The following DNM2 variants were observed in gnomAD, a reference collection of about 807,000 sequenced individuals.
DNM2 encodes the protein dynamin 2.
A neutral mutation model predicts 99.0 loss-of-function variants in DNM2; 15 were observed. The ratio of observed to expected loss-of-function variants is 0.15; its 90% CI spans 0.10 to 0.23. DNM2 has a LOEUF of 0.23. Ranked by LOEUF, DNM2 falls within the 10% of genes least tolerant of loss-of-function variation. The pLI is 1.00. For synonymous variants in DNM2, 525 were observed against 481.2 expected, an observed-to-expected ratio of 1.09 and a Z score of -1.19; for missense variants, 742 against 1,189.4, an observed-to-expected ratio of 0.62 and a Z score of 5.53.
chr19:10,760,452 C>T (rs1169324563), intron 2 of DNM2, among the ~76,000 whole-genome samples: 2 of 152,038 alleles, frequency 1.3e-5, no homozygotes, highest in African/African-American at 4.8e-5. Context: ...CCTCCCCATG[C>T]AATAAAGACG....
chr19:10,718,455 G>A, intron 1 of DNM2, 52 bp downstream of exon 1: 1 of 1,333,946 alleles, frequency 7.5e-7, no homozygotes, highest in Non-Finnish European at 9.6e-7. Context: ...GGGCGCGGAG[G>A]GCGGACCGGG....
chr19:10,774,615 G>A (rs1352169893), intron 3 of DNM2, among the ~76,000 whole-genome samples: 8 of 151,932 alleles, frequency 5.3e-5, no homozygotes, highest in Admixed American at 2.6e-4. Flanking sequence ...TAGTAGAGAC[G>A]GGGTTTGTCC....
At chr19:10,786,377 C>A in intron 6 of DNM2, 187 bp from the exon 7 acceptor site, 1 of 957,438 alleles carries the variant, frequency 1.0e-6, no homozygotes, top group South Asian at 1.4e-5. Context: ...CAGCTCCGTG[C>A]CGTCTCCGTT....
At position 10,811,505 on chromosome 19, in the gene DNM2, T is replaced by C. The variant is rs1248503712; in HGVS notation, c.1558-759T>C. On this transcript the variant is annotated intron_variant, in intron 14 of 20. Coordinates refer to ENST00000389253, the MANE Select transcript of DNM2 (RefSeq NM_001005361.3). This position sits in a 1 kb window ranked among gnomAD's most constrained non-coding sequence, Gnocchi z 5.4. ...CCACCCTTTGTAGCTTGGCCAAGTC[T>C]GTCAGTGCCTGGGTCCCAGGCCGCC... The C allele has an allele frequency of 2.8e-6, 1 of 358,516 alleles. No homozygotes were observed. Among genetic ancestry groups the C allele is most frequent in the Non-Finnish European group, 5.5e-6 (1 of 181,414 alleles). The allele number at this position is 358,516 out of a possible 1,614,324, so 22.2% of individuals were successfully genotyped here.
intron 5 of DNM2, chr19:10,781,742 T>C (rs947141495): frequency 3.3e-5 from 5 of 152,192 alleles, no homozygotes; most frequent in African/African-American, 1.2e-4. Context: ...AGAGTGAAAC[T>C]CTGTCTCAAA....
At chr19:10,736,074 C>T (rs142025528) in intron 1 of DNM2, among the ~76,000 whole-genome samples, 13 of 151,954 alleles carry the variant, frequency 8.6e-5, no homozygotes, top group African/African-American at 3.1e-4. Flanking sequence ...ACTGGCCTGG[C>T]CAACATGGTG....
chr19:10,749,361 A>G (rs1428056129), intron 1 of DNM2, among the ~76,000 whole-genome samples: 1 of 152,182 alleles, frequency 6.6e-6, no homozygotes, highest in Non-Finnish European at 1.5e-5. Flanking sequence ...CACCTCTCCC[A>G]TCGCTGCTGG....
chr19:10,821,102 T>C (rs937332406), intron 16 of DNM2, among the ~76,000 whole-genome samples: 1 of 152,092 alleles, frequency 6.6e-6, no homozygotes, highest in East Asian at 1.9e-4. Context: ...CCTTGCCTAC[T>C]GCTTGGCTAC....
At chr19:10,741,997 T>C (rs1428584259) in intron 1 of DNM2, among the ~76,000 whole-genome samples, 1 of 151,812 alleles carries the variant, frequency 6.6e-6, no homozygotes, top group Non-Finnish European at 1.5e-5. Context: ...CCTTCTTTCT[T>C]TTCCTTCTTT....
rs777564981 is a variant in DNM2 at position 10,775,850 on chromosome 19, A to G, written c.533A>G (p.Asn178Ser). Residue 178 changes from asparagine (N) to serine (S), a missense_variant, in exon 4 of 21, where the codon AAC becomes AGC. Around this residue, in one of 7 missense-constraint regions of DNM2, gnomAD observed 192 missense variants for 358.9 expected, o/e 0.54. Transcript: ENST00000389253. This position sits in a 1 kb window ranked among gnomAD's most constrained non-coding sequence, Gnocchi z 4.3. Reference sequence around the variant, plus strand: ...CTCATTCTGGCTGTCACGCCCGCCAACATGGACCTGGCCAACTCCGACGCC... The same window carrying G: ...CTCATTCTGGCTGTCACGCCCGCCAGCATGGACCTGGCCAACTCCGACGCC... ...SSLILAVTPA[N>S]MDLANSDALK... 4 of 1,614,016 alleles carry G rather than the reference A, an allele frequency of 2.5e-6. No homozygotes were observed. The highest frequency in any genetic ancestry group is 2.2e-5 in the East Asian group (1 of 44,890).
At chr19:10,724,100 G>GAGAAACATGGTTGAAGA (rs57682395) in intron 1 of DNM2, among the ~76,000 whole-genome samples, 1 of 149,478 alleles carries the variant, frequency 6.7e-6, no homozygotes, top group Non-Finnish European at 1.5e-5. Flanking sequence ...AAAAAAAAAG[G>GAGAAACATGGTTGAAGA]CGATAAGTAT....
Position 10,808,570 on chromosome 19 carries a change from G to C in DNM2, c.1547G>C (p.Gly516Ala), listed in dbSNP as rs1599595311. Reference protein sequence around the residue: ...LNKKRAIPNQGEILVIRRGWL... With the variant: ...LNKKRAIPNQAEILVIRRGWL... ...AACCCTAACTTTGCATATTCAAAGG[G>C]GGAGATCCTGGTAAGTACATGCTTA... The change falls in exon 14 of 21, where the codon GGG becomes GCG. Residue 516 changes from glycine to alanine, a missense_variant and splice_region_variant. Physicochemically the swap from Gly to Ala is moderately conservative, Grantham distance 60. Around this residue, in one of 7 missense-constraint regions of DNM2, gnomAD observed 240 missense variants for 431.3 expected, o/e 0.56. Coordinates refer to ENST00000389253, the MANE Select transcript of DNM2 (RefSeq NM_001005361.3). 6.2e-7 allele frequency: 1 copy of C among 1,612,188 alleles called. No homozygotes were observed. The highest frequency in any genetic ancestry group is 8.5e-7 in the Non-Finnish European group (1 of 1,179,268).
At chr19:10,813,274 T>C (rs2072618038) in intron 15 of DNM2, among the ~76,000 whole-genome samples, 1 of 152,202 alleles carries the variant, frequency 6.6e-6, no homozygotes, top group African/African-American at 2.4e-5. Context: ...ACTCGTTCAC[T>C]GCGAGTGAGG....
chr19:10,778,023 A>T (rs1179316519), intron 5 of DNM2, among the ~76,000 whole-genome samples: 1 of 144,796 alleles, frequency 6.9e-6, no homozygotes, highest in African/African-American at 2.5e-5. Flanking sequence ...TTTTCATTTT[A>T]TTTATTTATT....
intron 13 of DNM2, among the ~76,000 whole-genome samples, chr19:10,807,444 C>T (rs2072378963): frequency 6.7e-6 from 1 of 150,218 alleles, no homozygotes; most frequent in African/African-American, 2.4e-5. Flanking sequence ...GTTTCACCAT[C>T]TTGGCCAGGC....
intron 15 of DNM2, among the ~76,000 whole-genome samples, chr19:10,819,182 T>C (rs564701110): frequency 2.4e-4 from 36 of 152,298 alleles, no homozygotes; most frequent in African/African-American, 8.7e-4. Context: ...CCCAGCACTC[T>C]GGGAGGCTCG....
chr19:10,738,830 G>T (rs76372455), intron 1 of DNM2, among the ~76,000 whole-genome samples: 1 of 146,700 alleles, frequency 6.8e-6, no homozygotes. Flanking sequence ...AGATCGCACC[G>T]TTGCACTCCA....
intron 1 of DNM2, among the ~76,000 whole-genome samples, chr19:10,741,150 T>G (rs1299242714): frequency 2.0e-5 from 3 of 152,220 alleles, no homozygotes; most frequent in African/African-American, 7.2e-5. Context: ...CCATTATTAT[T>G]ATTTTTCTTG....
rs966039257 is a variant in DNM2, at chr19:10,721,819, T to C, written c.161+3416T>C. Among the ~76,000 whole-genome samples the C allele has an allele frequency of 2.0e-5, 3 of 152,284 alleles. No homozygotes were observed. In the East Asian group the frequency reaches 5.8e-4, roughly 29 times the overall value. On this transcript the variant is annotated intron_variant, in intron 1 of 20. Coordinates refer to ENST00000389253, the MANE Select transcript of DNM2 (RefSeq NM_001005361.3). ...GCCAAGGCCTGCCTGCTGGGTCTTT[T>C]GTTTTACCTGCGTAGCTTTTGTTTT...
Sources: allele counts gnomAD v4.1 joint callset (sites outside exome capture counted in the v4.1 genomes callset), GRCh38; gene constraint gnomAD v4.1.1; regional missense constraint gnomAD v4.1.1; non-coding constraint Gnocchi (gnomAD v3.1); transcripts MANE v1.5; gene names NCBI Gene and HGNC (gene_info 2026-07-23, HGNC 2026-07-21).